NBEAL1: variants seen among roughly 807,000 people sequenced by gnomAD.
The protein encoded by NBEAL1 is neurobeachin like 1.
NBEAL1 carries 273 observed loss-of-function variants against 351.3 expected under a neutral mutation model. The observed-to-expected ratio is 0.78, with a 90% CI of 0.70 to 0.86. NBEAL1 has a LOEUF of 0.86. NBEAL1 is among the 40% of genes least tolerant of loss of function. The pLI, the probability that NBEAL1 is intolerant of heterozygous loss-of-function variation, is 0.00. For synonymous variants in NBEAL1, 1,050 were observed against 1,086.4 expected, an observed-to-expected ratio of 0.97 and a Z score of 0.66; for missense variants, 2,961 against 3,201.3, an observed-to-expected ratio of 0.92 and a Z score of 1.81.
In NBEAL1 at chr2:203,132,112, C is replaced by A. The variant is rs1453419051; in HGVS notation, c.3704C>A (p.Thr1235Asn). 6.5e-7 allele frequency: 1 copy of A among 1,530,388 alleles called. No homozygotes were observed. Among genetic ancestry groups the A allele is most frequent in the Non-Finnish European group, 8.8e-7 (1 of 1,130,248 alleles). 94.8% of individuals were successfully genotyped at this position (1,530,388 alleles called of 1,614,324 possible). A position where few individuals can be genotyped will look rare whatever the true frequency, so the allele number is the denominator to read the frequency against. The change falls in exon 26 of 56, where the codon ACC becomes AAC. Residue 1235 changes from threonine (T) to asparagine (N), a missense_variant. Thr to Asn is a moderately conservative substitution (Grantham distance 65). Transcript: ENST00000683969. Reference sequence around the variant, plus strand: ...AATACTTCTCTTATTAAAAACCTCACCCATCAAATCATAAATACAGGTATG... The same window carrying A: ...AATACTTCTCTTATTAAAAACCTCAACCATCAAATCATAAATACAGGTATG... ...LVNTSLIKNL[T>N]HQIINTDPVI...
intron 53 of NBEAL1, among the ~76,000 whole-genome samples, chr2:203,210,454 G>T (rs1172313716): frequency 6.6e-6 from 1 of 151,622 alleles, no homozygotes; most frequent in Non-Finnish European, 1.5e-5. Flanking sequence ...AAGGTCAGGA[G>T]ATCGAGACCA....
chr2:203,075,451 C>T (rs1317240667), intron 7 of NBEAL1, among the ~76,000 whole-genome samples: 1 of 152,178 alleles, frequency 6.6e-6, no homozygotes, highest in Non-Finnish European at 1.5e-5. Context: ...CTGAGTGGAA[C>T]TCTGTCATCT....
intron 1 of NBEAL1, chr2:203,015,879 GGA>G (rs2060670865): frequency 6.6e-6 from 1 of 152,412 alleles, no homozygotes; most frequent in South Asian, 2.1e-4. Context: ...GAGTGGGAAG[GGA>G]GTCTTGCTCC....
At chr2:203,210,900 G>GC in intron 53 of NBEAL1, 58 bp from the exon 54 acceptor site, 1 of 1,036,720 alleles carries the variant, frequency 9.6e-7, no homozygotes, top group East Asian at 2.5e-5. Context: ...GTTTTAACTG[G>GC]TTATATAAAA....
chr2:203,034,209 G>A (rs2061001436), intron 2 of NBEAL1, among the ~76,000 whole-genome samples: 1 of 150,410 alleles, frequency 6.6e-6, no homozygotes, highest in South Asian at 2.1e-4. Flanking sequence ...CCAGGCTGGA[G>A]TGCAGTAGAG....
intron 8 of NBEAL1, among the ~76,000 whole-genome samples, chr2:203,081,840 G>A (rs1304514980): frequency 1.3e-5 from 2 of 152,306 alleles, no homozygotes; most frequent in South Asian, 2.1e-4. Context: ...GGTGGCTTAC[G>A]CCTATAAGCC....
intron 18 of NBEAL1, among the ~76,000 whole-genome samples, chr2:203,119,125 C>T (rs1490704395): frequency 1.3e-5 from 2 of 151,680 alleles, no homozygotes; most frequent in Non-Finnish European, 2.9e-5. Context: ...TGTCATGAGA[C>T]AGGGACTCTA....
intron 51 of NBEAL1, among the ~76,000 whole-genome samples, chr2:203,206,432 C>T (rs940526914): frequency 2.0e-5 from 3 of 152,228 alleles, no homozygotes; most frequent in Admixed American, 6.5e-5. Flanking sequence ...CTCTCTCCCT[C>T]TCCCCTCTTT....
chr2:203,176,426 T>C (rs2064503614), intron 42 of NBEAL1, among the ~76,000 whole-genome samples: 1 of 152,018 alleles, frequency 6.6e-6, no homozygotes, highest in Non-Finnish European at 1.5e-5. Flanking sequence ...TTTCTCTCCA[T>C]AAGATACAGT....
At chr2:203,022,050 CAAAA>C (rs1212450445) in intron 2 of NBEAL1, among the ~76,000 whole-genome samples, 1 of 109,530 alleles carries the variant, frequency 9.1e-6, no homozygotes, top group Admixed American at 9.6e-5. Flanking sequence ...GACTCTGTTT[CAAAA>C]AAAAAAAAAA....
chr2:203,213,299 G>C (rs575970909), intron 54 of NBEAL1, among the ~76,000 whole-genome samples: 17 of 152,212 alleles, frequency 1.1e-4, no homozygotes, highest in Admixed American at 2.0e-4. Flanking sequence ...AAGAAAAATA[G>C]ATGTCAAAAA....
chr2:203,128,199 G>C (rs1460405851), intron 24 of NBEAL1, among the ~76,000 whole-genome samples: 1 of 149,500 alleles, frequency 6.7e-6, no homozygotes, highest in East Asian at 2.0e-4. Flanking sequence ...TGGTTCTCCT[G>C]CCTCAGCCCC....
In NBEAL1 at chr2:203,107,876, C is replaced by G; in HGVS notation, c.1637C>G (p.Ser546Cys). Reference sequence around the variant, plus strand: ...GAGAACTTGATTGCAATCCATGGTTCCTTGGGGAGTCAGTCAGTGAGCTCA... The same window carrying G: ...GAGAACTTGATTGCAATCCATGGTTGCTTGGGGAGTCAGTCAGTGAGCTCA... The part of the protein sequence containing the change: ...CAENLIAIHG[S>C]LGSQSVSSEE... Residue 546 changes from serine (S) to cysteine (C), a missense_variant, in exon 14 of 56, where the codon TCC (serine) becomes TGC (cysteine). Physicochemically the swap from Ser to Cys is moderately radical, Grantham distance 112. Coordinates refer to ENST00000683969, the MANE Select transcript of NBEAL1 (RefSeq NM_001378026.1). 6.4e-7 allele frequency: 1 copy of G among 1,554,230 alleles called. No individual in the cohort carries two copies. The highest frequency in any genetic ancestry group is 8.7e-7 in the Non-Finnish European group (1 of 1,147,720).
At chr2:203,174,599 A>G (rs2064434261) in intron 41 of NBEAL1, among the ~76,000 whole-genome samples, 2 of 152,094 alleles carry the variant, frequency 1.3e-5, no homozygotes, top group Admixed American at 6.6e-5. Flanking sequence ...TTGCATAACA[A>G]AAACTATTCC....
intron 6 of NBEAL1, among the ~76,000 whole-genome samples, chr2:203,066,976 C>T (rs2061602607): frequency 6.7e-6 from 1 of 149,402 alleles, no homozygotes; most frequent in Admixed American, 6.7e-5. Context: ...GGCGGGGCGG[C>T]CGGGCAGAGG....
chr2:203,088,622 AG>A (rs1419375826), intron 10 of NBEAL1, among the ~76,000 whole-genome samples: 2 of 151,996 alleles, frequency 1.3e-5, no homozygotes, highest in East Asian at 3.9e-4. Flanking sequence ...CTTTGACATA[AG>A]TTTCTTATAC....
intron 35 of NBEAL1, among the ~76,000 whole-genome samples, chr2:203,154,628 A>C (rs2063750590): frequency 6.6e-6 from 1 of 152,192 alleles, no homozygotes; most frequent in South Asian, 2.1e-4. Flanking sequence ...AAAATCCATT[A>C]TTAATTTCAA....
At chr2:203,041,634 A>G (rs2061142578) in intron 2 of NBEAL1, 131 bp from the exon 3 acceptor site, 2 of 633,086 alleles carry the variant, frequency 3.2e-6, no homozygotes, top group African/African-American at 3.7e-5. Flanking sequence ...TTAAAACAGC[A>G]CATATGTACT....
At chr2:203,184,823 A>G (rs2064848056) in intron 44 of NBEAL1, among the ~76,000 whole-genome samples, 2 of 151,730 alleles carry the variant, frequency 1.3e-5, no homozygotes, top group South Asian at 4.2e-4. Context: ...GCTACTTGGG[A>G]GGCTGAAGTG....
Sources: allele counts gnomAD v4.1 joint callset (sites outside exome capture counted in the v4.1 genomes callset), GRCh38; gene constraint gnomAD v4.1.1; transcripts MANE v1.5; gene names NCBI Gene and HGNC (gene_info 2026-07-23, HGNC 2026-07-21).